MARCHF10: variants seen among roughly 807,000 people sequenced by gnomAD.
MARCHF10 encodes the protein membrane associated ring-CH-type finger 10, also known as probable E3 ubiquitin-protein ligase MARCHF10.
A neutral mutation model predicts 76.2 loss-of-function variants in MARCHF10; 64 were observed. The observed-to-expected ratio is 0.84, with a 90% confidence interval of 0.69 to 1.03. The LOEUF (loss-of-function observed/expected upper bound fraction) is 1.03, where lower values mean the gene tolerates loss of function less well. Among genes scored for constraint, MARCHF10 ranks in the 50% least tolerant of loss-of-function variants. The pLI, the probability that MARCHF10 is intolerant of heterozygous loss-of-function variation, is 0.00. For synonymous variants in MARCHF10, 340 were observed against 357.5 expected (o/e 0.95, Z 0.55); for missense variants, 875 against 958.0 (o/e 0.91, Z 1.14).
chr17:62,708,807 T>C (rs2089749001), intron 9 of MARCHF10, among the ~76,000 whole-genome samples: 1 of 152,160 alleles, frequency 6.6e-6, no homozygotes, highest in African/African-American at 2.4e-5. Context: ...TGACTCACTG[T>C]GGGCCCAGCA....
chr17:62,711,081 T>C lies in MARCHF10; in HGVS notation c.2328+150A>G. 2 of 642,008 alleles carry C rather than the reference T, an allele frequency of 3.1e-6. No individual in the cohort carries two copies. The highest frequency in any genetic ancestry group is 5.2e-5 in the Admixed American group (2 of 38,590). The allele number at this position is 642,008 out of a possible 1,614,324, so 39.8% of individuals were successfully genotyped here. A position where few individuals can be genotyped will look rare whatever the true frequency, so the allele number is the denominator to read the frequency against. ...AGCCAGAGGGTCACCATGTGTACAC[T>C]TAGCAGCTGCTAAATCTTAGTCCTA... On this transcript the variant is annotated intron_variant, in intron 9 of 10. Coordinates refer to ENST00000311269, the MANE Select transcript of MARCHF10 (RefSeq NM_152598.4). This position sits in a 1 kb window ranked among gnomAD's most constrained non-coding sequence, Gnocchi z 4.4.
At chr17:62,746,740 T>C in intron 4 of MARCHF10, 1 of 717,032 alleles carries the variant, frequency 1.4e-6, no homozygotes, top group South Asian at 1.9e-5. Flanking sequence ...CCCAAGGTCC[T>C]GAGGATAAGA....
At chr17:62,771,721 C>T (rs1341649818) in intron 3 of MARCHF10, among the ~76,000 whole-genome samples, 5 of 151,908 alleles carry the variant, frequency 3.3e-5, no homozygotes, top group South Asian at 2.1e-4. Flanking sequence ...GGATTACAGG[C>T]GCACACCACC....
chr17:62,741,666 T>TA (rs893218817), intron 5 of MARCHF10, among the ~76,000 whole-genome samples: 1 of 152,160 alleles, frequency 6.6e-6, no homozygotes, highest in South Asian at 2.1e-4. Flanking sequence ...AGATGAACTT[T>TA]AAAAAAATGT....
At chr17:62,703,099 T>G (rs1384888384) in intron 10 of MARCHF10, among the ~76,000 whole-genome samples, 1 of 152,220 alleles carries the variant, frequency 6.6e-6, no homozygotes, top group Non-Finnish European at 1.5e-5. Context: ...TCTCCCCAGC[T>G]GCCCTAACCT....
In MARCHF10 at chr17:62,715,749, G is replaced by A. The variant is rs141420020; in HGVS notation, c.2215-4405C>T. Reference sequence around the variant, plus strand: ...TGATCCCCTCTCCAGATGCTTGTAGGAGTTCCTGATCTAGCCGCTTGAGGC... The same window carrying A: ...TGATCCCCTCTCCAGATGCTTGTAGAAGTTCCTGATCTAGCCGCTTGAGGC... On this transcript the variant is annotated intron_variant, in intron 8 of 10. Coordinates refer to ENST00000311269, the MANE Select transcript of MARCHF10 (RefSeq NM_152598.4). 2.2e-3 allele frequency among the ~76,000 whole-genome samples: 336 copies of A among 152,284 alleles called. 3 individuals carry two copies. Among genetic ancestry groups the A allele is most frequent in the African/African-American group, 7.6e-3 (317 of 41,562 alleles).
At chr17:62,707,467 T>C (rs1282967335) in intron 9 of MARCHF10, 5 of 152,304 alleles carry the variant, frequency 3.3e-5, no homozygotes, top group South Asian at 2.1e-4. Flanking sequence ...GGTGGATCCA[T>C]TGGTGAGAGC....
At chr17:62,723,559 C>CTTTTTTGTTTTTTTTT (rs2090599834) in intron 7 of MARCHF10, among the ~76,000 whole-genome samples, 1 of 80,370 alleles carries the variant, frequency 1.2e-5, no homozygotes, top group African/African-American at 5.4e-5. Flanking sequence ...GTTCGCTTGA[C>CTTTTTTGTTTTTTTTT]TTTTTTTTTT....
chr17:62,764,681 G>A lies in MARCHF10; in HGVS notation c.211-4675C>T, dbSNP rs181520313. On this transcript the variant is annotated intron_variant, in intron 3 of 10. Coordinates refer to ENST00000311269, the MANE Select transcript of MARCHF10 (RefSeq NM_152598.4). Reference sequence around the variant, plus strand: ...CACAAAAACCACCTTAGGGAATTGAGGGCAGCTTGTATAAATAGCATTCTG... The same window carrying A: ...CACAAAAACCACCTTAGGGAATTGAAGGCAGCTTGTATAAATAGCATTCTG... Among the ~76,000 whole-genome samples, 12 of 152,260 alleles carry A rather than the reference G, an allele frequency of 7.9e-5. No individual in the cohort carries two copies. The East Asian group carries it at 2.1e-3, about 27-fold the overall frequency.
chr17:62,803,356 G>T (rs1018340521), intron 1 of MARCHF10, among the ~76,000 whole-genome samples: 8 of 152,054 alleles, frequency 5.3e-5, no homozygotes, highest in Non-Finnish European at 7.4e-5. Flanking sequence ...GGATGGGGTG[G>T]GGGTGATGGT....
intron 9 of MARCHF10, chr17:62,707,628 T>G (rs71375873): frequency 0.054 from 8,213 of 152,440 alleles, 350 homozygotes; most frequent in African/African-American, 0.12. Context: ...GAGGAGGGGC[T>G]GAAGGAGGGG....
chr17:62,764,110 G>A (rs1319723056), intron 3 of MARCHF10, among the ~76,000 whole-genome samples: 1 of 152,218 alleles, frequency 6.6e-6, no homozygotes, highest in African/African-American at 2.4e-5. Flanking sequence ...CCTCGGGAAT[G>A]TGAGAATGAT....
At chr17:62,724,762 C>G (rs2090668045) in intron 7 of MARCHF10, among the ~76,000 whole-genome samples, 176 bp downstream of exon 7, 1 of 152,198 alleles carries the variant, frequency 6.6e-6, no homozygotes, top group African/African-American at 2.4e-5. Flanking sequence ...CCCCAACTCC[C>G]TCCCATAGTT....
intron 4 of MARCHF10, among the ~76,000 whole-genome samples, chr17:62,756,038 C>T (rs1242748210): frequency 6.6e-6 from 1 of 152,084 alleles, no homozygotes; most frequent in Admixed American, 6.5e-5. Flanking sequence ...CACCTGAGGT[C>T]GGGAGTTCAA....
chr17:62,737,298 G>T lies in MARCHF10; in HGVS notation c.570C>A (p.Asn190Lys), dbSNP rs147501312. The T allele has an allele frequency of 1.1e-5, 18 of 1,612,552 alleles. No individual in the cohort carries two copies. In the African/African-American group the frequency reaches 1.7e-4, roughly 16 times the overall value. ...QVVQQEGLMCNTKLKRPNQER... is the reference protein window; with the variant it reads ...QVVQQEGLMCKTKLKRPNQER... ...CTTGATTTGGCCTCTTCAGCTTAGT[G>T]TTACACATCAGGCCTTCTTGTTGAA... is the stretch of plus-strand genomic sequence containing the variant. Residue 190 changes from asparagine (N) to lysine (K), a missense_variant, in exon 6 of 11, where the codon AAC becomes AAA. By Grantham distance (94) the Asn-to-Lys change is moderately conservative. Transcript: ENST00000311269.
At chr17:62,722,653 C>A (rs1022102535) in intron 7 of MARCHF10, 56 bp from the exon 8 acceptor site, 4 of 1,426,102 alleles carry the variant, frequency 2.8e-6, no homozygotes, top group Non-Finnish European at 3.9e-6. Context: ...TTTGTGTTAG[C>A]ACTTTGGACA....
intron 4 of MARCHF10, among the ~76,000 whole-genome samples, chr17:62,757,766 C>A (rs77799662): frequency 3.2e-3 from 485 of 152,332 alleles, no homozygotes; most frequent in African/African-American, 0.011. Flanking sequence ...GAGGCTTTTA[C>A]TACAAGTAAC....
At chr17:62,714,426 A>C (rs2090086598) in intron 8 of MARCHF10, 1 of 985,120 alleles carries the variant, frequency 1.0e-6, no homozygotes, top group African/African-American at 1.7e-5. Context: ...CGCAACACCA[A>C]CACATCCTAC....
chr17:62,729,062 C>G (rs2090895252), intron 6 of MARCHF10, among the ~76,000 whole-genome samples: 5 of 152,138 alleles, frequency 3.3e-5, no homozygotes, highest in Non-Finnish European at 1.5e-5. Flanking sequence ...GCCTCAGCCT[C>G]TCAAGTAGCT....
Sources: gnomAD v4.1 joint callset for allele counts (sites outside exome capture counted in the v4.1 genomes callset) on GRCh38, gnomAD v4.1.1 for gene constraint, Gnocchi (gnomAD v3.1) non-coding constraint, MANE v1.5 for transcripts, NCBI Gene and HGNC (gene_info 2026-07-23, HGNC 2026-07-21) for gene names.